The following DIAPH2 variants were observed in gnomAD, a reference collection of about 807,000 sequenced individuals.
DIAPH2 encodes protein diaphanous homolog 2.
DIAPH2 carries 35 observed loss-of-function variants against 92.7 expected under a neutral mutation model. The observed-to-expected ratio is 0.38, with a 90% CI of 0.29 to 0.50. The LOEUF is 0.50. Among genes scored for constraint, DIAPH2 ranks in the 20% least tolerant of loss-of-function variants. DIAPH2 has a pLI of 0.94. For synonymous variants in DIAPH2, 301 were observed against 280.4 expected (o/e 1.07, Z -0.73); for missense variants, 701 against 819.5 (o/e 0.86, Z 1.77).
At chrX:97,093,319 G>A (rs1176299452) in intron 19 of DIAPH2, among the ~76,000 whole-genome samples, 3 of 111,546 alleles carry the variant, frequency 2.7e-5, no homozygotes, top group Non-Finnish European at 5.6e-5. Flanking sequence ...TCAGAGGAAA[G>A]CACGCCAAAC....
At chrX:96,992,843 C>T (rs957333871) in intron 17 of DIAPH2, among the ~76,000 whole-genome samples, 1 of 111,584 alleles carries the variant, frequency 9.0e-6, no homozygotes, top group Admixed American at 9.5e-5. Flanking sequence ...AAGAGACTAT[C>T]TTTAAGTGGG....
chrX:97,284,347 A>G (rs1490275821), intron 23 of DIAPH2, among the ~76,000 whole-genome samples: 1 of 111,438 alleles, frequency 9.0e-6, no homozygotes, highest in East Asian at 2.8e-4. Context: ...ACAGTGGCCC[A>G]TGCCTGTAAT....
chrX:97,303,678 A>G (rs146159641), intron 23 of DIAPH2, among the ~76,000 whole-genome samples: 104 of 112,172 alleles, frequency 9.3e-4, no homozygotes, highest in African/African-American at 3.3e-3. Flanking sequence ...TCTGTGGCAA[A>G]TAAGTTGTGA....
intron 1 of DIAPH2, among the ~76,000 whole-genome samples, chrX:96,690,522 G>A (rs1227920908): frequency 1.8e-5 from 2 of 111,636 alleles, no homozygotes; most frequent in East Asian, 2.8e-4. Flanking sequence ...ATGGTTTAAT[G>A]TCTTTCTTGC....
intron 26 of DIAPH2, among the ~76,000 whole-genome samples, chrX:97,562,496 A>G (rs2071301054): frequency 2.8e-5 from 3 of 105,824 alleles, no homozygotes; most frequent in African/African-American, 1.0e-4. Context: ...AGATCCCGCC[A>G]CTGCACTCCA....
chrX:96,736,459 C>T (rs760274694), intron 2 of DIAPH2, among the ~76,000 whole-genome samples: 9 of 111,322 alleles, frequency 8.1e-5, no homozygotes, highest in Non-Finnish European at 1.3e-4. Context: ...GGCGCGATCT[C>T]GGCTCACTGC....
At chrX:96,685,784 G>A (rs778550305) in intron 1 of DIAPH2, among the ~76,000 whole-genome samples, 3 of 111,938 alleles carry the variant, frequency 2.7e-5, no homozygotes, top group Non-Finnish European at 5.6e-5. Flanking sequence ...GGGTGGGGGC[G>A]CGTGGGAGTT....
chrX:97,551,616 ATTAAAT>A (rs1364123398), intron 26 of DIAPH2, among the ~76,000 whole-genome samples: 2 of 110,313 alleles, frequency 1.8e-5, no homozygotes, highest in Non-Finnish European at 3.8e-5. Context: ...AAAAATTAAA[ATTAAAT>A]TTAAAAATTA....
chrX:96,850,686 A>G (rs1007881845), intron 4 of DIAPH2, among the ~76,000 whole-genome samples: 5 of 111,907 alleles, frequency 4.5e-5, no homozygotes, highest in Non-Finnish European at 7.5e-5. Flanking sequence ...CTTGAGTTTC[A>G]CCTGTTTATT....
intron 4 of DIAPH2, among the ~76,000 whole-genome samples, chrX:96,826,211 A>G (rs1012547075): frequency 9.1e-6 from 1 of 110,257 alleles, no homozygotes; most frequent in African/African-American, 3.3e-5. Context: ...GAGGACAGGA[A>G]TTCGAGACCA....
chrX:97,064,275 G>A (rs1433102699), intron 17 of DIAPH2, among the ~76,000 whole-genome samples: 1 of 111,790 alleles, frequency 8.9e-6, no homozygotes, highest in Non-Finnish European at 1.9e-5. Flanking sequence ...GATTCTGGGA[G>A]TCTTTGGGAA....
At chrX:96,745,801 A>G (rs186704023) in intron 3 of DIAPH2, among the ~76,000 whole-genome samples, 8 of 112,528 alleles carry the variant, frequency 7.1e-5, no homozygotes, top group African/African-American at 2.6e-4. Flanking sequence ...GCATTGGTGC[A>G]TCACTTTTCA....
chrX:96,803,752 T>C (rs1214752405), intron 4 of DIAPH2, among the ~76,000 whole-genome samples: 11 of 112,528 alleles, frequency 9.8e-5, no homozygotes, highest in Admixed American at 8.4e-4. Flanking sequence ...ATAAAATTCC[T>C]GTGCTGGCTG....
intron 1 of DIAPH2, among the ~76,000 whole-genome samples, chrX:96,689,721 G>C (rs1261035183): frequency 9.0e-6 from 1 of 111,065 alleles, no homozygotes; most frequent in African/African-American, 3.3e-5. Context: ...CTTCAGTTTA[G>C]TGAGGGCTTT....
At chrX:97,338,559 G>T (rs1330621265) in intron 23 of DIAPH2, among the ~76,000 whole-genome samples, 1 of 112,073 alleles carries the variant, frequency 8.9e-6, no homozygotes, top group Non-Finnish European at 1.9e-5. Flanking sequence ...ATTATGCCAG[G>T]TTGTTAACTA....
intron 24 of DIAPH2, among the ~76,000 whole-genome samples, chrX:97,366,473 C>T (rs1448165584): frequency 8.9e-6 from 1 of 112,057 alleles, no homozygotes; most frequent in East Asian, 2.8e-4. Context: ...ATAATAGGCA[C>T]AGGAAGTACC....
chrX:97,108,325 C>T (rs897602903), intron 20 of DIAPH2, among the ~76,000 whole-genome samples: 8 of 111,820 alleles, frequency 7.2e-5, no homozygotes, highest in Non-Finnish European at 1.3e-4. Flanking sequence ...AATTATAAAA[C>T]AAAGGATGCC....
At chrX:97,152,452 C>T (rs1440180373) in intron 22 of DIAPH2, among the ~76,000 whole-genome samples, 1 of 108,781 alleles carries the variant, frequency 9.2e-6, no homozygotes, top group Admixed American at 9.8e-5. Flanking sequence ...GCCAGTTTTG[C>T]ATTGCCATAA....
intron 23 of DIAPH2, among the ~76,000 whole-genome samples, chrX:97,300,634 A>G (rs1203830531): frequency 1.1e-5 from 1 of 92,230 alleles, no homozygotes; most frequent in Non-Finnish European, 2.2e-5. Context: ...AAAAAAAAAA[A>G]CAAGAAGAAT....
Sources: gnomAD v4.1 joint callset for allele counts (sites outside exome capture counted in the v4.1 genomes callset) on GRCh38, gnomAD v4.1.1 for gene constraint, MANE v1.5 for transcripts, NCBI Gene and HGNC (gene_info 2026-07-23, HGNC 2026-07-21) for gene names.